FRMD4A: variants seen among roughly 807,000 people sequenced by gnomAD.
FRMD4A encodes the protein FERM domain-containing protein 4A.
Under a neutral mutation model 129.1 loss-of-function variants are expected in FRMD4A, and 29 were observed. The ratio of observed to expected loss-of-function variants is 0.22; its 90% CI spans 0.17 to 0.31. FRMD4A has a LOEUF of 0.31. Ranked by LOEUF, FRMD4A falls within the 10% of genes least tolerant of loss-of-function variation. The probability of loss-of-function intolerance (pLI) is 1.00; values close to 1 mark genes in which losing one functional copy is unlikely to be tolerated. For missense variants in FRMD4A, 1,272 were observed against 1,375.8 expected (o/e 0.92, Z 1.19); for synonymous variants, 634 against 571.6 (o/e 1.11, Z -1.56).
chr10:14,033,654 A>C (rs1833359584), intron 2 of FRMD4A, among the ~76,000 whole-genome samples: 1 of 152,012 alleles, frequency 6.6e-6, no homozygotes, highest in African/African-American at 2.4e-5. Flanking sequence ...GCATGGTGGC[A>C]TGTGCCTGTA....
intron 2 of FRMD4A, among the ~76,000 whole-genome samples, chr10:14,297,975 A>G (rs1236277632): frequency 6.6e-6 from 1 of 152,200 alleles, no homozygotes; most frequent in Non-Finnish European, 1.5e-5. Context: ...CAGCTGTTAC[A>G]CGAGGGAAAT....
chr10:14,169,511 G>A (rs1187970454), intron 2 of FRMD4A, among the ~76,000 whole-genome samples: 4 of 152,080 alleles, frequency 2.6e-5, no homozygotes, highest in African/African-American at 9.7e-5. Context: ...CTGTCTTTCT[G>A]CTGCCAAAGA....
At chr10:14,238,995 G>A (rs1172283143) in intron 2 of FRMD4A, among the ~76,000 whole-genome samples, 2 of 152,120 alleles carry the variant, frequency 1.3e-5, no homozygotes, top group Non-Finnish European at 2.9e-5. Context: ...CTTTTTTACT[G>A]ATTCCTTTCG....
At chr10:13,778,473 A>G (rs1205517878) in intron 6 of FRMD4A, among the ~76,000 whole-genome samples, 2 of 152,102 alleles carry the variant, frequency 1.3e-5, no homozygotes, top group South Asian at 2.1e-4. Flanking sequence ...TTTTCACAGA[A>G]CTGAATTTGA....
chr10:14,300,651 C>T (rs1299832620), intron 2 of FRMD4A, among the ~76,000 whole-genome samples: 1 of 152,142 alleles, frequency 6.6e-6, no homozygotes, highest in Non-Finnish European at 1.5e-5. Flanking sequence ...TAATATTTAA[C>T]AGGTCATTGA....
chr10:13,780,683 T>C (rs1256234885), intron 6 of FRMD4A, among the ~76,000 whole-genome samples: 1 of 152,010 alleles, frequency 6.6e-6, no homozygotes, highest in Non-Finnish European at 1.5e-5. Context: ...AAATAGAAAA[T>C]AACAAATGTT....
At chr10:14,058,646 C>G (rs1834658501) in intron 2 of FRMD4A, among the ~76,000 whole-genome samples, 1 of 152,180 alleles carries the variant, frequency 6.6e-6, no homozygotes. Flanking sequence ...GGTCCTTTCT[C>G]TGCTTCTTAC....
At chr10:13,877,931 G>A (rs934966765) in intron 2 of FRMD4A, among the ~76,000 whole-genome samples, 1 of 152,134 alleles carries the variant, frequency 6.6e-6, no homozygotes, top group African/African-American at 2.4e-5. Flanking sequence ...AGGCCTGAGA[G>A]GGGTGGAAAG....
At chr10:14,320,739 C>G (rs1331391647) in intron 2 of FRMD4A, among the ~76,000 whole-genome samples, 1 of 152,232 alleles carries the variant, frequency 6.6e-6, no homozygotes, top group African/African-American at 2.4e-5. Flanking sequence ...AAATTCCTCC[C>G]AAAGCCTGGT....
intron 2 of FRMD4A, among the ~76,000 whole-genome samples, chr10:13,883,323 C>A (rs1184595921): frequency 2.6e-5 from 4 of 151,940 alleles, no homozygotes; most frequent in Non-Finnish European, 5.9e-5. Flanking sequence ...AACCCCGTCT[C>A]TACTAAAAAT....
chr10:13,752,485 A>G (rs1440190910), intron 8 of FRMD4A, among the ~76,000 whole-genome samples: 1 of 152,248 alleles, frequency 6.6e-6, no homozygotes, highest in Non-Finnish European at 1.5e-5. Context: ...CCTGGGTCAA[A>G]TGAGATGTAT....
At chr10:14,169,767 C>A (rs187760458) in intron 2 of FRMD4A, among the ~76,000 whole-genome samples, 1 of 152,248 alleles carries the variant, frequency 6.6e-6, no homozygotes, top group East Asian at 1.9e-4. Flanking sequence ...TTCTTCAGCT[C>A]CAACAAATCT....
At chr10:14,033,937 C>T (rs886714419) in intron 2 of FRMD4A, among the ~76,000 whole-genome samples, 1 of 152,092 alleles carries the variant, frequency 6.6e-6, no homozygotes, top group Non-Finnish European at 1.5e-5. Context: ...AGAATAAAAT[C>T]ACCTCATTTG....
At chr10:13,948,682 C>T (rs373403056) in intron 2 of FRMD4A, among the ~76,000 whole-genome samples, 25 of 135,262 alleles carry the variant, frequency 1.8e-4, no homozygotes, top group African/African-American at 6.3e-4. Flanking sequence ...GACAGAGTCT[C>T]ACTCTGTCAC....
intron 2 of FRMD4A, among the ~76,000 whole-genome samples, chr10:14,081,802 C>G (rs1835943608): frequency 6.6e-6 from 1 of 152,198 alleles, no homozygotes. Context: ...CATAGCCAGC[C>G]TACTGTGGCA....
intron 5 of FRMD4A, among the ~76,000 whole-genome samples, chr10:13,793,298 A>G (rs926316996): frequency 1.3e-5 from 2 of 151,956 alleles, no homozygotes; most frequent in African/African-American, 4.8e-5. Context: ...CAGCCTCCCA[A>G]GTAGCTGGGA....
At chr10:14,169,808 T>C (rs528156114) in intron 2 of FRMD4A, among the ~76,000 whole-genome samples, 2 of 152,340 alleles carry the variant, frequency 1.3e-5, no homozygotes, top group African/African-American at 4.8e-5. Flanking sequence ...TAAGATAAAG[T>C]ATAGGCTGTC....
At chr10:13,745,849 A>G (rs991959036) in intron 9 of FRMD4A, among the ~76,000 whole-genome samples, 1 of 152,154 alleles carries the variant, frequency 6.6e-6, no homozygotes, top group Admixed American at 6.5e-5. Flanking sequence ...AACAGCCAGG[A>G]GGCTACAGAG....
chr10:14,245,282 C>T (rs1233868398), intron 2 of FRMD4A, among the ~76,000 whole-genome samples: 1 of 152,152 alleles, frequency 6.6e-6, no homozygotes, highest in Non-Finnish European at 1.5e-5. Context: ...TCTCCGGGTT[C>T]GTTGGTGAGG....
Sources: allele counts gnomAD v4.1 joint callset (sites outside exome capture counted in the v4.1 genomes callset), GRCh38; gene constraint gnomAD v4.1.1; transcripts MANE v1.5; gene names NCBI Gene and HGNC (gene_info 2026-07-23, HGNC 2026-07-21).